Variants in CACNA1E observed in about 807,000 individuals in gnomAD.
The protein encoded by CACNA1E is calcium voltage-gated channel subunit alpha1 E.
CACNA1E carries 40 observed loss-of-function variants against 259.2 expected under a neutral mutation model. The observed-to-expected ratio is 0.15, with a 90% confidence interval of 0.12 to 0.20. The LOEUF is 0.20. CACNA1E is among the 10% of genes least tolerant of loss of function. CACNA1E has a pLI of 1.00. For missense variants in CACNA1E, 1,874 were observed against 3,040.1 expected, an observed-to-expected ratio of 0.62 and a Z score of 9.02; for synonymous variants, 1,104 against 1,138.5, an observed-to-expected ratio of 0.97 and a Z score of 0.61.
intron 3 of CACNA1E, among the ~76,000 whole-genome samples, chr1:181,573,502 G>A (rs1212302460): frequency 6.6e-6 from 1 of 152,204 alleles, no homozygotes; most frequent in African/African-American, 2.4e-5. Context: ...TCTTTCCTCT[G>A]TCTCTCTAGC....
intron 36 of CACNA1E, 156 bp downstream of exon 36, chr1:181,771,540 C>T (rs1398151504): frequency 1.6e-6 from 1 of 608,592 alleles, no homozygotes; most frequent in Non-Finnish European, 3.0e-6. Context: ...CCAAACTGCC[C>T]CTATAACATT....
In CACNA1E at chr1:181,737,570, G is replaced by A. The variant is rs1656164587; in HGVS notation, c.3468G>A (p.Glu1156=). ...ACATCGTGAACCTGCGCTACTTTGA[G>A]ATGTGCATCCTCCTGGTGATTGCAG... ...CHYIVNLRYF[E]MCILLVIAAS... Residue 1156 remains glutamate, a synonymous_variant, in exon 23 of 48, where the codon GAG becomes GAA. Transcript: ENST00000367573. 3.7e-6 allele frequency: 6 copies of A among 1,613,886 alleles called. No homozygotes were observed. The South Asian group carries it at 4.4e-5, about 12-fold the overall frequency.
intron 42 of CACNA1E, 69 bp downstream of exon 42, chr1:181,785,487 C>T (rs1660775149): frequency 9.0e-7 from 1 of 1,108,378 alleles, no homozygotes; most frequent in African/African-American, 1.5e-5. Flanking sequence ...AGGCCTGTGC[C>T]TCCCTGGGGC....
intron 3 of CACNA1E, among the ~76,000 whole-genome samples, chr1:181,553,920 C>T (rs142654369): frequency 1.3e-5 from 2 of 152,120 alleles, no homozygotes; most frequent in Non-Finnish European, 2.9e-5. Context: ...CTATCATTAT[C>T]ATGATCTTAC....
At chr1:181,522,877 C>G (rs748254920) in intron 3 of CACNA1E, among the ~76,000 whole-genome samples, 9 of 152,194 alleles carry the variant, frequency 5.9e-5, no homozygotes, top group Non-Finnish European at 1.2e-4. Flanking sequence ...TCCCACATCC[C>G]CTCTTCAGAT....
At position 181,652,270 on chromosome 1, in the gene CACNA1E, A is replaced by G. The variant is rs540464723; in HGVS notation, c.1055+829A>G. 1.4e-4 allele frequency among the ~76,000 whole-genome samples: 21 copies of G among 152,314 alleles called. No homozygotes were observed. In the South Asian group the frequency reaches 3.9e-3, roughly 29 times the overall value. On this transcript the variant is annotated intron_variant, in intron 7 of 47. Transcript: ENST00000367573. Reference sequence around the variant, plus strand: ...CTTAGGAGAGCTGAGACGGGGATATATTTTAGAGATTCTTATATTTTTCTA... The same window carrying G: ...CTTAGGAGAGCTGAGACGGGGATATGTTTTAGAGATTCTTATATTTTTCTA...
intron 1 of CACNA1E, among the ~76,000 whole-genome samples, chr1:181,369,487 G>C (rs1184006871): frequency 6.6e-6 from 1 of 152,198 alleles, no homozygotes; most frequent in Admixed American, 6.5e-5. Flanking sequence ...GCTTTCTCTC[G>C]AGTGAATTTG....
At chr1:181,475,785 T>G (rs1173948953) in intron 2 of CACNA1E, among the ~76,000 whole-genome samples, 1 of 152,148 alleles carries the variant, frequency 6.6e-6, no homozygotes, top group East Asian at 1.9e-4. Context: ...TGACGTCACT[T>G]TTACACATAT....
chr1:181,742,410 T>C (rs984449245), intron 25 of CACNA1E, among the ~76,000 whole-genome samples: 5 of 152,242 alleles, frequency 3.3e-5, no homozygotes, highest in Admixed American at 2.6e-4. Context: ...TTCGTTATCA[T>C]ATCCCATATA....
At chr1:181,578,698 C>A (rs1651221528) in intron 4 of CACNA1E, among the ~76,000 whole-genome samples, 1 of 152,166 alleles carries the variant, frequency 6.6e-6, no homozygotes, top group Non-Finnish European at 1.5e-5. Flanking sequence ...GCAACAAACA[C>A]CTTTTTACTT....
chr1:181,768,843 T>C (rs1659245140), intron 35 of CACNA1E, among the ~76,000 whole-genome samples: 1 of 152,188 alleles, frequency 6.6e-6, no homozygotes, highest in South Asian at 2.1e-4. Flanking sequence ...GTTTCTAATA[T>C]AGTCACAACA....
chr1:181,686,275 GTTTTTTTTTTT>G (rs66526388), intron 7 of CACNA1E, among the ~76,000 whole-genome samples: 3 of 58,634 alleles, frequency 5.1e-5, no homozygotes, highest in East Asian at 5.7e-4. Context: ...TAAGAACCAA[GTTTTTTTTTTT>G]TTTTTTTTTT....
chr1:181,680,900 G>A (rs1217312293), intron 7 of CACNA1E, among the ~76,000 whole-genome samples: 1 of 152,182 alleles, frequency 6.6e-6, no homozygotes, highest in Non-Finnish European at 1.5e-5. Flanking sequence ...GGTCAGAGTT[G>A]CTTCCCAGGT....
chr1:181,596,372 T>C (rs1250021841), intron 6 of CACNA1E, among the ~76,000 whole-genome samples: 1 of 152,126 alleles, frequency 6.6e-6, no homozygotes, highest in African/African-American at 2.4e-5. Flanking sequence ...CCTGGAAGGG[T>C]AGCTCCCCAC....
At chr1:181,722,278 G>A (rs1654481484) in intron 16 of CACNA1E, among the ~76,000 whole-genome samples, 1 of 152,144 alleles carries the variant, frequency 6.6e-6, no homozygotes, top group African/African-American at 2.4e-5. Context: ...CAAAAAATTA[G>A]TGTTAGGATT....
intron 1 of CACNA1E, among the ~76,000 whole-genome samples, chr1:181,343,961 C>A (rs1652389604): frequency 6.6e-6 from 1 of 152,208 alleles, no homozygotes; most frequent in South Asian, 2.1e-4. Context: ...TGTCCCTACC[C>A]CCCTCACCTG....
rs374525754 is a variant in CACNA1E at position 181,387,399 on chromosome 1, C to T, written c.-14-25734C>T. On this transcript the variant is annotated intron_variant, in intron 1 of 11. Coordinates refer to the CACNA1E transcript ENST00000524607. ...ATTAAAAAAAGGGCCTATTTCCATG[C>T]TTATGTTTTAGGCTCAGCTTGAGGC... Among the ~76,000 whole-genome samples, 7 of 152,330 alleles carry T rather than the reference C, an allele frequency of 4.6e-5. No individual in the cohort carries two copies. In the South Asian group the frequency reaches 1.5e-3, roughly 32 times the overall value.
chr1:181,516,239 G>A (rs945412299), intron 3 of CACNA1E, among the ~76,000 whole-genome samples: 1 of 151,906 alleles, frequency 6.6e-6, no homozygotes, highest in African/African-American at 2.4e-5. Flanking sequence ...GGCTGTGGAT[G>A]GGGTGGGGGT....
chr1:181,331,546 G>A (rs770368260), intron 1 of CACNA1E, among the ~76,000 whole-genome samples: 8 of 152,162 alleles, frequency 5.3e-5, no homozygotes, highest in Admixed American at 2.0e-4. Context: ...ATTGGATGGT[G>A]CCTGACCTCA....
Sources: gnomAD v4.1 joint callset for allele counts (sites outside exome capture counted in the v4.1 genomes callset) on GRCh38, gnomAD v4.1.1 for gene constraint, MANE v1.5 for transcripts, NCBI Gene and HGNC (gene_info 2026-07-23, HGNC 2026-07-21) for gene names.